The following CHEK2 variants were observed in gnomAD, a reference collection of about 807,000 sequenced individuals.
CHEK2 encodes the protein serine/threonine-protein kinase Chk2.
Under a neutral mutation model 69.1 loss-of-function variants are expected in CHEK2, and 71 were observed. The ratio of observed to expected loss-of-function variants is 1.03; its 90% confidence interval spans 0.85 to 1.25. The LOEUF is 1.25. CHEK2 is among the 50% of genes most tolerant of loss of function. The pLI is 0.00. For synonymous variants in CHEK2, 189 were observed against 226.9 expected (o/e 0.83, Z 1.50); for missense variants, 664 against 649.6 (o/e 1.02, Z -0.24).
intron 1 of CHEK2, among the ~76,000 whole-genome samples, chr22:28,740,811 G>C (rs536240584): frequency 6.6e-5 from 10 of 152,290 alleles, no homozygotes; most frequent in African/African-American, 1.9e-4. Flanking sequence ...CCACTGGTGG[G>C]AATGCAAATT....
chr22:28,698,216 C>T (rs919494617), intron 9 of CHEK2, among the ~76,000 whole-genome samples: 1 of 62,202 alleles, frequency 1.6e-5, no homozygotes, highest in Non-Finnish European at 4.6e-5. Flanking sequence ...CATGGTGAAA[C>T]CCTATCTTTA....
chr22:28,740,406 C>A (rs989463287), intron 1 of CHEK2, among the ~76,000 whole-genome samples: 5 of 152,168 alleles, frequency 3.3e-5, no homozygotes, highest in Admixed American at 2.0e-4. Context: ...CTCTTCCTTA[C>A]AAGACACTGA....
intron 7 of CHEK2, among the ~76,000 whole-genome samples, chr22:28,705,780 G>T (rs751647338): frequency 4.6e-5 from 7 of 150,722 alleles, no homozygotes; most frequent in Non-Finnish European, 1.0e-4. Context: ...AAAAAAATTA[G>T]CTGGGCGTGG....
Position 28,724,501 on chromosome 22 carries a change from G to C in CHEK2, c.592+476C>G, listed in dbSNP as rs145408329. On this transcript the variant is annotated intron_variant, in intron 4 of 14. Coordinates refer to ENST00000404276, the MANE Select transcript of CHEK2 (RefSeq NM_007194.4). ...AAAACCTTAAAAATCTGTCTGGATGGAACTTTTTCATAATTTTACAATGCA... is the reference window on the plus strand; with the variant it reads ...AAAACCTTAAAAATCTGTCTGGATGCAACTTTTTCATAATTTTACAATGCA... The C allele has an allele frequency of 5.2e-3, 1,209 of 231,106 alleles. 19 individuals are homozygous for C. The highest frequency in any genetic ancestry group is 0.026 in the African/African-American group (1,155 of 44,092). The allele number at this position is 231,106 out of a possible 1,614,324, so 14.3% of individuals were successfully genotyped here.
intron 9 of CHEK2, among the ~76,000 whole-genome samples, chr22:28,698,554 A>G (rs2052686507): frequency 6.6e-6 from 1 of 152,152 alleles, no homozygotes; most frequent in African/African-American, 2.4e-5. Flanking sequence ...TAGGTAGATC[A>G]ATCATAAAAA....
chr22:28,695,529 C>T (rs2052539264), intron 11 of CHEK2, among the ~76,000 whole-genome samples, 181 bp downstream of exon 11: 2 of 152,074 alleles, frequency 1.3e-5, no homozygotes, highest in Admixed American at 1.3e-4. Context: ...TGGTGGTGTG[C>T]ATCTGTAGTC....
intron 8 of CHEK2, among the ~76,000 whole-genome samples, chr22:28,701,031 T>A (rs912082542): frequency 6.6e-6 from 1 of 151,692 alleles, no homozygotes; most frequent in Admixed American, 6.6e-5. Flanking sequence ...TCAGGTGATC[T>A]GCTCCCCTCG....
At chr22:28,719,573 A>G (rs1043837054) in intron 4 of CHEK2, 88 bp from the exon 5 acceptor site, 14 of 771,304 alleles carry the variant, frequency 1.8e-5, no homozygotes, top group African/African-American at 3.5e-5. Context: ...CATATGGAAT[A>G]TAAGAACTGT....
intron 2 of CHEK2, among the ~76,000 whole-genome samples, chr22:28,728,463 G>A (rs1239190943): frequency 6.6e-6 from 1 of 152,108 alleles, no homozygotes; most frequent in East Asian, 1.9e-4. Flanking sequence ...GGAGGCCAAG[G>A]CAGGCGGATT....
At chr22:28,735,020 G>A (rs2054354855) in intron 1 of CHEK2, among the ~76,000 whole-genome samples, 1 of 152,058 alleles carries the variant, frequency 6.6e-6, no homozygotes, top group Non-Finnish European at 1.5e-5. Context: ...AAATTGAGCT[G>A]GGGGGCTCAT....
chr22:28,735,254 A>C (rs779011418), intron 1 of CHEK2, among the ~76,000 whole-genome samples: 30 of 151,918 alleles, frequency 2.0e-4, no homozygotes, highest in Non-Finnish European at 3.8e-4. Context: ...AAAATACAAA[A>C]AATTAGCCAG....
In CHEK2 at chr22:28,725,306, T is replaced by C. The variant is rs199929178; in HGVS notation, c.381A>G (p.Glu127=). 1.2e-6 allele frequency: 2 copies of C among 1,614,098 alleles called. No homozygotes were observed. The highest frequency in any genetic ancestry group is 4.5e-5 in the East Asian group (2 of 44,870). Residue 127 remains glutamate (E), a synonymous_variant, in exon 3 of 15, where the codon GAA becomes GAG. Coordinates refer to ENST00000404276, the MANE Select transcript of CHEK2 (RefSeq NM_007194.4). ...RDKSCEYCFD[E]PLLKRTDKYR... is the part of the protein sequence containing the mutation. The stretch of plus-strand genomic sequence containing the variant: ...ATTTATCTGTTCTTTTCAGCAGTGG[T>C]TCATCAAAGCAATATTCACAGCTTT...
At position 28,734,830 on chromosome 22, in the gene CHEK2, A is replaced by G. The variant is rs941971902; in HGVS notation, c.-6-103T>C. The stretch of plus-strand genomic sequence containing the variant: ...ATTACAACAGCAAAAGAAAAGAAAA[A>G]AAAAAAAACAGGGCAAACATGCTCT... On this transcript the variant is annotated intron_variant, in intron 1 of 14. Coordinates refer to ENST00000404276, the MANE Select transcript of CHEK2 (RefSeq NM_007194.4). 5 of 934,940 alleles carry G rather than the reference A, an allele frequency of 5.3e-6. No individual in the cohort carries two copies. The Admixed American group carries it at 1.0e-4, about 19-fold the overall frequency. The allele number at this position is 934,940 out of a possible 1,614,324, so 57.9% of individuals were successfully genotyped here.
chr22:28,699,972 T>TG, intron 8 of CHEK2, 35 bp from the exon 9 acceptor site: 1 of 1,477,464 alleles, frequency 6.8e-7, no homozygotes, highest in Non-Finnish European at 9.4e-7. Flanking sequence ...GGTTCATTCC[T>TG]GGGGGAAAAC....
chr22:28,709,018 G>T, intron 7 of CHEK2: 1 of 404,190 alleles, frequency 2.5e-6, no homozygotes, highest in Non-Finnish European at 4.9e-6. Flanking sequence ...TAGCTGGACA[G>T]GAGAGAGATC....
chr22:28,713,745 A>G (rs554620119), intron 5 of CHEK2, among the ~76,000 whole-genome samples: 208 of 151,862 alleles, frequency 1.4e-3, no homozygotes, highest in Non-Finnish European at 2.3e-3. Flanking sequence ...CAGTGGCACA[A>G]TCTCGGCTCA....
At chr22:28,732,403 G>A (rs563290283) in intron 2 of CHEK2, among the ~76,000 whole-genome samples, 7 of 152,088 alleles carry the variant, frequency 4.6e-5, no homozygotes, top group African/African-American at 1.2e-4. Flanking sequence ...GAGCCACCAC[G>A]CCTGGCCTAA....
At chr22:28,707,011 GT>G (rs1445058483) in intron 7 of CHEK2, among the ~76,000 whole-genome samples, 4 of 152,170 alleles carry the variant, frequency 2.6e-5, no homozygotes, top group Non-Finnish European at 5.9e-5. Context: ...CTTGGTTCTG[GT>G]TGGCTTCATA....
intron 1 of CHEK2, among the ~76,000 whole-genome samples, chr22:28,735,938 G>T (rs935051286): frequency 6.6e-6 from 1 of 151,972 alleles, no homozygotes; most frequent in African/African-American, 2.4e-5. Context: ...AATAGGCCAG[G>T]TGCAGTGACT....
Sources: gnomAD v4.1 joint callset for allele counts (sites outside exome capture counted in the v4.1 genomes callset) on GRCh38, gnomAD v4.1.1 for gene constraint, MANE v1.5 for transcripts, NCBI Gene and HGNC (gene_info 2026-07-23, HGNC 2026-07-21) for gene names.